Variants in B3GALT1 observed in about 807,000 individuals in gnomAD.
The protein encoded by B3GALT1 is beta-1,3-galactosyltransferase 1.
In B3GALT1, 10 loss-of-function variants were observed where a neutral mutation model predicts 23.2. The ratio of observed to expected loss-of-function variants is 0.43; its 90% CI spans 0.27 to 0.73. The LOEUF (loss-of-function observed/expected upper bound fraction) is 0.73, where lower values mean the gene tolerates loss of function less well. Ranked by LOEUF, B3GALT1 falls within the 30% of genes least tolerant of loss-of-function variation. The pLI, the probability that B3GALT1 is intolerant of heterozygous loss-of-function variation, is 0.21. For missense variants in B3GALT1, 299 were observed against 405.4 expected (o/e 0.74, Z 2.25); for synonymous variants, 156 against 141.5 (o/e 1.10, Z -0.73).
At chr2:167,666,165 G>A (rs983709506) in intron 3 of B3GALT1, among the ~76,000 whole-genome samples, 9 of 152,078 alleles carry the variant, frequency 5.9e-5, no homozygotes, top group East Asian at 1.9e-4. Context: ...GTTCTCGTTC[G>A]TTTCAAAGAA....
chr2:167,562,649 C>CTTT (rs60455696), intron 2 of B3GALT1, among the ~76,000 whole-genome samples: 9 of 138,888 alleles, frequency 6.5e-5, no homozygotes, highest in African/African-American at 2.1e-4. Context: ...CACAAGCATT[C>CTTT]TTTTTTTTTT....
Position 167,445,846 on chromosome 2 carries a change from G to A in B3GALT1, c.-510-44331G>A, listed in dbSNP as rs868516485. Among the ~76,000 whole-genome samples, 115 of 152,246 alleles carry A rather than the reference G, an allele frequency of 7.6e-4. 1 individual carries two copies. The Middle Eastern group carries it at 0.014, about 18-fold the overall frequency. ...TGCCAGTGTGTGTCTTTTAATTGGA[G>A]CATTTAGCCCATTTACACTTAAGGT... On this transcript the variant is annotated intron_variant, in intron 1 of 4. Transcript: ENST00000392690.
At chr2:167,446,448 G>A (rs11902024) in intron 1 of B3GALT1, among the ~76,000 whole-genome samples, 15 of 152,180 alleles carry the variant, frequency 9.9e-5, no homozygotes, top group South Asian at 4.1e-4. Flanking sequence ...GGATAATATC[G>A]TGCAGAGTGT....
chr2:167,721,740 T>A (rs1318694348), intron 3 of B3GALT1, among the ~76,000 whole-genome samples: 5 of 152,092 alleles, frequency 3.3e-5, no homozygotes, highest in Non-Finnish European at 7.4e-5. Flanking sequence ...GGCTGACACA[T>A]CCCAAGGAGA....
chr2:167,373,647 A>G (rs1252134797), intron 1 of B3GALT1, among the ~76,000 whole-genome samples: 1 of 152,216 alleles, frequency 6.6e-6, no homozygotes, highest in Non-Finnish European at 1.5e-5. Context: ...TGAAGATATT[A>G]GCATTTAGAT....
At chr2:167,793,095 C>T (rs931768797) in intron 3 of B3GALT1, among the ~76,000 whole-genome samples, 2 of 152,126 alleles carry the variant, frequency 1.3e-5, no homozygotes, top group Admixed American at 1.3e-4. Flanking sequence ...GTGTGGAAGT[C>T]AAGTAAGCCC....
chr2:167,346,745 T>G (rs565607380), intron 1 of B3GALT1, among the ~76,000 whole-genome samples: 3,816 of 35,060 alleles, frequency 0.11, 68 homozygotes, highest in Non-Finnish European at 0.16. Context: ...TGTGTGTGTG[T>G]GGGGGGGGGG....
rs140333071 is a variant in B3GALT1 at position 167,565,679 on chromosome 2, A to C, written c.-410+75402A>C. On this transcript the variant is annotated intron_variant, in intron 2 of 4. Coordinates refer to ENST00000392690, the MANE Select transcript of B3GALT1 (RefSeq NM_020981.4). ...TTTACAAGAAAAAAACAACCCCATC[A>C]AAAAGTGGGCAAGGATATGAAGACA... Among the ~76,000 whole-genome samples the C allele has an allele frequency of 8.9e-3, 1,362 of 152,316 alleles. 13 individuals are homozygous for C. Among genetic ancestry groups the C allele is most frequent in the African/African-American group, 0.031 (1,292 of 41,566 alleles).
chr2:167,862,898 A>T (rs1690132184), intron 4 of B3GALT1: 1 of 152,236 alleles, frequency 6.6e-6, no homozygotes, highest in Non-Finnish European at 1.5e-5. Context: ...TGAATGAGGT[A>T]ATCTGAAATA....
intron 2 of B3GALT1, among the ~76,000 whole-genome samples, chr2:167,616,076 C>G (rs368970010): frequency 2.7e-5 from 2 of 75,120 alleles, no homozygotes; most frequent in African/African-American, 6.6e-5. Context: ...AAGCACTTTA[C>G]AAAGAAAAAA....
intron 3 of B3GALT1, among the ~76,000 whole-genome samples, chr2:167,651,513 GAA>G (rs1386743127): frequency 5.3e-5 from 8 of 151,988 alleles, no homozygotes; most frequent in Admixed American, 5.2e-4. Flanking sequence ...CATTCAGAGA[GAA>G]AAAGAGGTAA....
chr2:167,659,064 C>G (rs528456492), intron 3 of B3GALT1, among the ~76,000 whole-genome samples: 1 of 152,198 alleles, frequency 6.6e-6, no homozygotes, highest in East Asian at 1.9e-4. Flanking sequence ...CAATTGCACA[C>G]TAAGTTTCAG....
At position 167,872,058 on chromosome 2, in the gene B3GALT1, C is replaced by G. The variant is rs1052753221; in HGVS notation, c.*2038C>G. 6.6e-6 allele frequency: 1 copy of G among 151,344 alleles called. No individual in the cohort carries two copies. Among genetic ancestry groups the G allele is most frequent in the African/African-American group, 2.4e-5 (1 of 41,220 alleles). The allele number at this position is 151,344 out of a possible 1,614,324, so 9.4% of individuals were successfully genotyped here. On this transcript the variant is annotated 3_prime_UTR_variant, in exon 5 of 5. Coordinates refer to ENST00000392690, the MANE Select transcript of B3GALT1 (RefSeq NM_020981.4). ...CTGGGACTACAGGCGCCCGCCATCA[C>G]GCCCGGCTAATTTTTTTGTATTTTT...
At chr2:167,810,370 C>T (rs1173493336) in intron 3 of B3GALT1, among the ~76,000 whole-genome samples, 1 of 150,784 alleles carries the variant, frequency 6.6e-6, no homozygotes, top group African/African-American at 2.5e-5. Flanking sequence ...TTCTCTGTGG[C>T]TCTCACTGGA....
chr2:167,365,713 C>T (rs1697575279), intron 1 of B3GALT1, among the ~76,000 whole-genome samples: 1 of 151,092 alleles, frequency 6.6e-6, no homozygotes, highest in African/African-American at 2.4e-5. Context: ...CATTTTATTT[C>T]TTCTGGGTGG....
intron 3 of B3GALT1, among the ~76,000 whole-genome samples, chr2:167,806,627 T>G (rs1042077174): frequency 6.6e-6 from 1 of 152,242 alleles, no homozygotes; most frequent in African/African-American, 2.4e-5. Context: ...TTTATTGATT[T>G]GCATATGTTG....
chr2:167,500,147 C>G (rs1699832022), intron 2 of B3GALT1, among the ~76,000 whole-genome samples: 1 of 152,086 alleles, frequency 6.6e-6, no homozygotes, highest in Non-Finnish European at 1.5e-5. Flanking sequence ...TTCCTAGTCC[C>G]TGGTAAAAGC....
At chr2:167,565,783 A>T (rs1684150329) in intron 2 of B3GALT1, among the ~76,000 whole-genome samples, 1 of 152,288 alleles carries the variant, frequency 6.6e-6, no homozygotes, top group East Asian at 1.9e-4. Context: ...GAGAAATGCA[A>T]ATCAAAACCA....
intron 3 of B3GALT1, among the ~76,000 whole-genome samples, chr2:167,663,909 G>A (rs1686122298): frequency 6.6e-6 from 1 of 151,598 alleles, no homozygotes; most frequent in South Asian, 2.1e-4. Flanking sequence ...CATTTTGTGG[G>A]TTGCCTGTTC....
Sources: gnomAD v4.1 joint callset for allele counts (sites outside exome capture counted in the v4.1 genomes callset) on GRCh38, gnomAD v4.1.1 for gene constraint, MANE v1.5 for transcripts, NCBI Gene and HGNC (gene_info 2026-07-23, HGNC 2026-07-21) for gene names.